The following TMOD2 variants were observed in gnomAD, a reference collection of about 807,000 sequenced individuals.
The protein encoded by TMOD2 is tropomodulin 2.
A neutral mutation model predicts 39.9 loss-of-function variants in TMOD2; 22 were observed. The ratio of observed to expected loss-of-function variants is 0.55; its 90% CI spans 0.39 to 0.79. TMOD2 has a LOEUF of 0.79. Ranked by LOEUF, TMOD2 falls within the 30% of genes least tolerant of loss-of-function variation. The pLI is 0.00. For missense variants in TMOD2, 386 were observed against 413.3 expected, an observed-to-expected ratio of 0.93 and a Z score of 0.57; for synonymous variants, 123 against 146.1, an observed-to-expected ratio of 0.84 and a Z score of 1.14.
At position 51,768,910 on chromosome 15, in the gene TMOD2, T is replaced by C. The variant is rs181744001; in HGVS notation, c.283+492T>C. On this transcript the variant is annotated intron_variant, in intron 3 of 9. Transcript: ENST00000249700. ...CTGGAGTCGGTGTTAAAAAGAATCA[T>C]GGCTGCTAGCTAGACATATGTCATT... 2.3e-3 allele frequency among the ~76,000 whole-genome samples: 346 copies of C among 152,370 alleles called. 3 individuals are homozygous for C. Among genetic ancestry groups the C allele is most frequent in the Non-Finnish European group, 4.3e-3 (290 of 68,040 alleles).
intron 7 of TMOD2, among the ~76,000 whole-genome samples, chr15:51,789,122 G>T (rs1405408384): frequency 6.6e-6 from 1 of 152,168 alleles, no homozygotes; most frequent in Non-Finnish European, 1.5e-5. Context: ...CCCATCTCAT[G>T]TACAAAGACA....
intron 7 of TMOD2, among the ~76,000 whole-genome samples, chr15:51,794,383 A>C (rs549896164): frequency 1.3e-5 from 2 of 152,292 alleles, no homozygotes; most frequent in South Asian, 4.1e-4. Context: ...AGCAATCACT[A>C]TTAGCAGTTT....
chr15:51,766,638 C>T (rs1298638433), intron 2 of TMOD2, 71 bp downstream of exon 2: 89 of 1,499,870 alleles, frequency 5.9e-5, no homozygotes, highest in Non-Finnish European at 7.7e-5. Context: ...GGTCCTTAAA[C>T]AATGGTAGAA....
intron 5 of TMOD2, among the ~76,000 whole-genome samples, chr15:51,777,730 T>A (rs2055899043): frequency 6.6e-6 from 1 of 152,110 alleles, no homozygotes; most frequent in Admixed American, 6.6e-5. Context: ...TGATGAACAT[T>A]GATGCAAAAA....
rs1401148466 is a variant in TMOD2 at position 51,812,037 on chromosome 15, C to T, written c.*3583C>T. ...ATATAAATATTTTGTACATAAAGAT[C>T]ATCAAATACCATAATGGGGTATTTG... On this transcript the variant is annotated 3_prime_UTR_variant, in exon 10 of 10. Coordinates refer to ENST00000249700, the MANE Select transcript of TMOD2 (RefSeq NM_014548.4). 1 of 152,070 alleles carries T rather than the reference C, an allele frequency of 6.6e-6. No homozygotes were observed. The highest frequency in any genetic ancestry group is 1.5e-5 in the Non-Finnish European group (1 of 68,020). 9.4% of individuals were successfully genotyped at this position (152,070 alleles called of 1,614,324 possible). A position where few individuals can be genotyped will look rare whatever the true frequency, so the allele number is the denominator to read the frequency against.
intron 1 of TMOD2, among the ~76,000 whole-genome samples, chr15:51,754,532 G>T (rs915641499): frequency 2.6e-5 from 4 of 152,300 alleles, no homozygotes; most frequent in Admixed American, 1.3e-4. Flanking sequence ...TTGCTGCAAA[G>T]ATATTTTTGC....
intron 7 of TMOD2, among the ~76,000 whole-genome samples, chr15:51,792,409 T>C (rs10444825): frequency 0.41 from 62,129 of 152,026 alleles, 12,891 homozygotes; most frequent in Middle Eastern, 0.45. Context: ...TTTTACACTG[T>C]TGGTGGGAGT....
intron 1 of TMOD2, among the ~76,000 whole-genome samples, chr15:51,754,511 C>A (rs2055729041): frequency 6.6e-6 from 1 of 152,234 alleles, no homozygotes; most frequent in Non-Finnish European, 1.5e-5. Context: ...TAATCTCTTA[C>A]ACGGAATCCC....
intron 3 of TMOD2, among the ~76,000 whole-genome samples, chr15:51,773,504 A>C (rs1191578225): frequency 6.6e-6 from 1 of 152,142 alleles, no homozygotes. Context: ...TGTGTGGCAG[A>C]ATGCAGGATT....
At chr15:51,782,680 A>G (rs889563264) in intron 6 of TMOD2, 41 bp from the exon 7 acceptor site, 3 of 1,513,670 alleles carry the variant, frequency 2.0e-6, no homozygotes, top group East Asian at 2.3e-5. Context: ...AGAGTGTGCC[A>G]TACAATGGTT....
chr15:51,781,801 T>TA (rs763901971), intron 6 of TMOD2, among the ~76,000 whole-genome samples: 61 of 106,374 alleles, frequency 5.7e-4, no homozygotes, highest in Non-Finnish European at 9.1e-4. Flanking sequence ...AGGGAAAGAG[T>TA]AGGAGAGAGA....
At chr15:51,778,342 G>C (rs1276401235) in intron 5 of TMOD2, among the ~76,000 whole-genome samples, 14 of 100,662 alleles carry the variant, frequency 1.4e-4, no homozygotes, top group African/African-American at 4.6e-4. Context: ...GTTGTGGGGT[G>C]GGGGGAGGGG....
At chr15:51,805,806 A>T (rs2056118310) in intron 8 of TMOD2, among the ~76,000 whole-genome samples, 1 of 152,212 alleles carries the variant, frequency 6.6e-6, no homozygotes, top group Non-Finnish European at 1.5e-5. Context: ...AACATTTTAT[A>T]AAAAAGAAGA....
At chr15:51,777,653 C>T (rs950523872) in intron 5 of TMOD2, among the ~76,000 whole-genome samples, 1 of 152,156 alleles carries the variant, frequency 6.6e-6, no homozygotes, top group Non-Finnish European at 1.5e-5. Context: ...ATGTTCTAGG[C>T]TTAGGTACAA....
chr15:51,775,265 A>G (rs945445452), intron 4 of TMOD2, among the ~76,000 whole-genome samples: 4 of 152,344 alleles, frequency 2.6e-5, no homozygotes, highest in Admixed American at 1.3e-4. Context: ...TGTGGTCACC[A>G]TCCAGAGTCT....
At chr15:51,768,927 T>C (rs1824083) in intron 3 of TMOD2, among the ~76,000 whole-genome samples, 147,991 of 152,182 alleles carry the variant, frequency 0.97, 72,075 homozygotes, top group East Asian at 1. Context: ...TAGCTAGACA[T>C]ATGTCATTCT....
chr15:51,806,620 C>A, intron 9 of TMOD2, 99 bp downstream of exon 9: 3 of 1,360,820 alleles, frequency 2.2e-6, no homozygotes, highest in Non-Finnish European at 3.1e-6. Flanking sequence ...TTCCACTGGC[C>A]TCTGATGTCA....
chr15:51,806,295 T>C, intron 8 of TMOD2, 82 bp from the exon 9 acceptor site: 1 of 1,525,996 alleles, frequency 6.6e-7, no homozygotes, highest in East Asian at 2.3e-5. Flanking sequence ...GTCCAGCAAG[T>C]AGCCTTGTCT....
chr15:51,801,233 T>TCA (rs1334489026), intron 8 of TMOD2, among the ~76,000 whole-genome samples: 134 of 97,110 alleles, frequency 1.4e-3, no homozygotes, highest in Admixed American at 3.3e-3. Flanking sequence ...TCTCTCTCTC[T>TCA]CTCTCACACA....
Sources: gnomAD v4.1 joint callset for allele counts (sites outside exome capture counted in the v4.1 genomes callset) on GRCh38, gnomAD v4.1.1 for gene constraint, MANE v1.5 for transcripts, NCBI Gene and HGNC (gene_info 2026-07-23, HGNC 2026-07-21) for gene names.